PPP6R3: variants seen among roughly 807,000 people sequenced by gnomAD.
PPP6R3 encodes serine/threonine-protein phosphatase 6 regulatory subunit 3.
PPP6R3 carries 38 observed loss-of-function variants against 110.7 expected under a neutral mutation model. The ratio of observed to expected loss-of-function variants is 0.34; its 90% CI spans 0.26 to 0.45. The LOEUF (loss-of-function observed/expected upper bound fraction) is 0.45. PPP6R3 is among the 20% of genes least tolerant of loss of function. The pLI is 1.00. For synonymous variants in PPP6R3, 369 were observed against 373.5 expected (o/e 0.99, Z 0.14); for missense variants, 870 against 1,062.4 (o/e 0.82, Z 2.52).
chr11:68,601,694 A>G (rs190699949), intron 20 of PPP6R3, among the ~76,000 whole-genome samples, 169 bp from the exon 21 acceptor site: 4 of 152,150 alleles, frequency 2.6e-5, no homozygotes, highest in Non-Finnish European at 5.9e-5. Context: ...TTCTTCAAAC[A>G]GCTACTGGCA....
intron 1 of PPP6R3, among the ~76,000 whole-genome samples, chr11:68,465,033 C>T (rs967938544): frequency 6.6e-6 from 1 of 152,088 alleles, no homozygotes; most frequent in African/African-American, 2.4e-5. Flanking sequence ...AGGTGCGTGC[C>T]ACCACACCTG....
At chr11:68,574,609 A>G (rs2099523217) in intron 13 of PPP6R3, among the ~76,000 whole-genome samples, 1 of 152,232 alleles carries the variant, frequency 6.6e-6, no homozygotes, top group Non-Finnish European at 1.5e-5. Context: ...AGGCCTCTAT[A>G]TAGCCTCTGA....
intron 1 of PPP6R3, among the ~76,000 whole-genome samples, chr11:68,482,979 C>T (rs931480914): frequency 6.6e-6 from 1 of 152,100 alleles, no homozygotes; most frequent in African/African-American, 2.4e-5. Context: ...TACTTTATAG[C>T]CATTTCCCAT....
chr11:68,476,479 G>A (rs2098833635), intron 1 of PPP6R3, among the ~76,000 whole-genome samples: 1 of 148,820 alleles, frequency 6.7e-6, no homozygotes, highest in South Asian at 2.2e-4. Flanking sequence ...GGAGGGGGAG[G>A]GGGAGGGCTA....
chr11:68,478,620 C>G (rs889470589), intron 1 of PPP6R3, among the ~76,000 whole-genome samples: 2 of 127,034 alleles, frequency 1.6e-5, no homozygotes, highest in African/African-American at 6.0e-5. Context: ...ATTTGACTCT[C>G]AACTGATGAG....
At chr11:68,486,564 C>CA (rs2098948677) in intron 1 of PPP6R3, among the ~76,000 whole-genome samples, 1 of 149,192 alleles carries the variant, frequency 6.7e-6, no homozygotes, top group African/African-American at 2.5e-5. Context: ...GAGATCACGC[C>CA]CTGCACTCCA....
At chr11:68,584,258 C>G (rs191838537) in intron 15 of PPP6R3, among the ~76,000 whole-genome samples, 1 of 152,180 alleles carries the variant, frequency 6.6e-6, no homozygotes, top group African/African-American at 2.4e-5. Flanking sequence ...GCTGCACGGG[C>G]CGTGGCGGTG....
At chr11:68,590,593 A>G in intron 16 of PPP6R3, 67 bp from the exon 17 acceptor site, 1 of 1,449,544 alleles carries the variant, frequency 6.9e-7, no homozygotes, top group South Asian at 1.4e-5. Flanking sequence ...GGAAACTTTC[A>G]TAAATACGGT....
chr11:68,544,060 A>G (rs951684357), intron 3 of PPP6R3, among the ~76,000 whole-genome samples: 1 of 152,186 alleles, frequency 6.6e-6, no homozygotes, highest in African/African-American at 2.4e-5. Context: ...CTGTGCTGAT[A>G]TCCAGATACT....
intron 1 of PPP6R3, among the ~76,000 whole-genome samples, chr11:68,516,706 G>GA (rs1346109801): frequency 6.6e-6 from 1 of 152,124 alleles, no homozygotes; most frequent in African/African-American, 2.4e-5. Context: ...TTTGAGTGTA[G>GA]AACCATAAGT....
At chr11:68,516,480 G>A (rs548998148) in intron 1 of PPP6R3, among the ~76,000 whole-genome samples, 51 of 152,266 alleles carry the variant, frequency 3.3e-4, no homozygotes, top group African/African-American at 1.1e-3. Flanking sequence ...ATCTCATTAT[G>A]TATATGCAGA....
intron 19 of PPP6R3, among the ~76,000 whole-genome samples, chr11:68,599,359 T>C (rs1226484546): frequency 6.6e-6 from 1 of 152,192 alleles, no homozygotes; most frequent in Non-Finnish European, 1.5e-5. Context: ...GAGGTGACAT[T>C]TAAGGAGAGA....
chr11:68,527,555 T>C (rs1484530299), intron 2 of PPP6R3, among the ~76,000 whole-genome samples: 1 of 152,242 alleles, frequency 6.6e-6, no homozygotes, highest in Non-Finnish European at 1.5e-5. Flanking sequence ...CGAACTCTGT[T>C]GAGAGTGTAC....
chr11:68,473,971 T>G (rs1475567679), intron 1 of PPP6R3, among the ~76,000 whole-genome samples: 4 of 152,216 alleles, frequency 2.6e-5, no homozygotes, highest in Admixed American at 2.6e-4. Context: ...ATTTGCCTTT[T>G]CCTTATGGCT....
rs1228409741 is a variant in PPP6R3 at position 68,564,435 on chromosome 11, A to AG, written c.975+7dup. 2 of 1,613,742 alleles carry AG rather than the reference A, an allele frequency of 1.2e-6. No individual in the cohort carries two copies. Among genetic ancestry groups the AG allele is most frequent in the Non-Finnish European group, 1.7e-6 (2 of 1,179,860 alleles). ...AACTCCTGCTGGAGCCACCCAAGGT[A>AG]GGGGAGCTATGTTAAGCATGGCTGC... On this transcript the variant is annotated splice_donor_region_variant and intron_variant, in intron 9 of 23. Coordinates refer to ENST00000393800, the MANE Select transcript of PPP6R3 (RefSeq NM_001164161.2).
intron 1 of PPP6R3, among the ~76,000 whole-genome samples, chr11:68,470,000 T>C (rs2098778872): frequency 6.7e-6 from 1 of 149,126 alleles, no homozygotes; most frequent in Non-Finnish European, 1.5e-5. Flanking sequence ...CTTTGTTCTT[T>C]TTTTGCCCCC....
At chr11:68,467,123 C>T (rs541518041) in intron 1 of PPP6R3, among the ~76,000 whole-genome samples, 13 of 152,376 alleles carry the variant, frequency 8.5e-5, no homozygotes, top group African/African-American at 1.2e-4. Context: ...TTGTCACTTA[C>T]GGCTGGCTAG....
chr11:68,503,135 G>C (rs1024254332), intron 1 of PPP6R3, among the ~76,000 whole-genome samples: 1 of 152,122 alleles, frequency 6.6e-6, no homozygotes, highest in Non-Finnish European at 1.5e-5. Context: ...AGTAGAGACA[G>C]GTTTCACCAT....
At chr11:68,477,502 A>G (rs1055275170) in intron 1 of PPP6R3, among the ~76,000 whole-genome samples, 4 of 151,630 alleles carry the variant, frequency 2.6e-5, no homozygotes, top group Non-Finnish European at 4.4e-5. Context: ...GGGAGGATCA[A>G]TTGCTTGAGT....
Sources: allele counts gnomAD v4.1 joint callset (sites outside exome capture counted in the v4.1 genomes callset), GRCh38; gene constraint gnomAD v4.1.1; transcripts MANE v1.5; gene names NCBI Gene and HGNC (gene_info 2026-07-23, HGNC 2026-07-21).